The following CRACDL variants were observed in gnomAD, a reference collection of about 807,000 sequenced individuals.
The protein encoded by CRACDL is CRACD like, also known as CRACD-like protein.
In CRACDL, 26 loss-of-function variants were observed where a neutral mutation model predicts 70.6. The ratio of observed to expected loss-of-function variants is 0.37; its 90% CI spans 0.27 to 0.51. CRACDL has a LOEUF of 0.51. CRACDL is among the 20% of genes least tolerant of loss of function. CRACDL has a pLI of 0.94. For missense variants in CRACDL, 1,283 were observed against 1,376.9 expected (o/e 0.93, Z 1.08); for synonymous variants, 618 against 615.2 (o/e 1.00, Z -0.07).
At chr2:98,841,805 T>C (rs1433935835) in intron 2 of CRACDL, among the ~76,000 whole-genome samples, 3 of 152,216 alleles carry the variant, frequency 2.0e-5, no homozygotes, top group Non-Finnish European at 4.4e-5. Flanking sequence ...TGACATTTAA[T>C]GGCAAAAACA....
At chr2:98,846,296 A>G (rs994042229) in intron 2 of CRACDL, among the ~76,000 whole-genome samples, 10 of 152,216 alleles carry the variant, frequency 6.6e-5, no homozygotes, top group African/African-American at 2.2e-4. Context: ...AACAAAAGTC[A>G]TGAAGGAGAG....
chr2:98,881,031 A>T (rs1390132982), intron 1 of CRACDL, among the ~76,000 whole-genome samples: 1 of 152,172 alleles, frequency 6.6e-6, no homozygotes, highest in Admixed American at 6.5e-5. Flanking sequence ...GCGCCACTGC[A>T]GGGCTCCTAG....
chr2:98,822,389 G>A lies in CRACDL; in HGVS notation c.1884C>T (p.Gly628=), dbSNP rs1184207475. The change falls in exon 7 of 10, where the codon GGC becomes GGT. Residue 628 remains glycine, a synonymous_variant. Coordinates refer to ENST00000397899, the MANE Select transcript of CRACDL (RefSeq NM_207362.3). This position sits in a 1 kb window ranked among gnomAD's most constrained non-coding sequence, Gnocchi z 4.9. ...GGCCGCGCTCCGCCAGCTTCCGAGGGCCAGGTTTCGCGTGCTGGGGCTCGG... is the reference window on the plus strand; with the variant it reads ...GGCCGCGCTCCGCCAGCTTCCGAGGACCAGGTTTCGCGTGCTGGGGCTCGG... The part of the protein sequence containing the change: ...GLPEPQHAKP[G]PRKLAERGPQ... 3 of 1,479,194 alleles carry A rather than the reference G, an allele frequency of 2.0e-6. No homozygotes were observed. Among genetic ancestry groups the A allele is most frequent in the Non-Finnish European group, 2.7e-6 (3 of 1,123,824 alleles). 91.6% of individuals were successfully genotyped at this position (1,479,194 alleles called of 1,614,324 possible).
At chr2:98,888,773 C>T (rs1707863566) in intron 1 of CRACDL, among the ~76,000 whole-genome samples, 1 of 152,104 alleles carries the variant, frequency 6.6e-6, no homozygotes, top group Non-Finnish European at 1.5e-5. Flanking sequence ...ACAACAGACA[C>T]ATTTAAATTC....
intron 5 of CRACDL, among the ~76,000 whole-genome samples, chr2:98,831,720 G>A (rs1476922263): frequency 1.3e-5 from 2 of 152,176 alleles, no homozygotes; most frequent in Non-Finnish European, 1.5e-5. Context: ...GTTTATGCAC[G>A]AGAAAGAGCT....
intron 1 of CRACDL, among the ~76,000 whole-genome samples, chr2:98,932,329 C>T (rs1709099038): frequency 6.6e-6 from 1 of 152,234 alleles, no homozygotes; most frequent in Admixed American, 6.5e-5. Flanking sequence ...TTAAGTTCCA[C>T]CTCCTCCAAG....
At chr2:98,870,946 G>C (rs1009832548) in intron 1 of CRACDL, among the ~76,000 whole-genome samples, 1 of 152,332 alleles carries the variant, frequency 6.6e-6, no homozygotes, top group Non-Finnish European at 1.5e-5. Flanking sequence ...GAAGGGAGGC[G>C]CTGTCACATC....
intron 5 of CRACDL, among the ~76,000 whole-genome samples, chr2:98,827,579 C>T (rs1021522360): frequency 1.3e-5 from 2 of 152,180 alleles, no homozygotes; most frequent in Admixed American, 6.5e-5. Context: ...TGTGAGCCAC[C>T]GCACCCGGCC....
At chr2:98,899,103 G>C (rs1708201272) in intron 1 of CRACDL, among the ~76,000 whole-genome samples, 1 of 152,098 alleles carries the variant, frequency 6.6e-6, no homozygotes, top group Non-Finnish European at 1.5e-5. Flanking sequence ...GACATGTCTG[G>C]GATGTGCCCC....
At chr2:98,929,764 A>G (rs2104706547) in intron 1 of CRACDL, among the ~76,000 whole-genome samples, 1 of 152,238 alleles carries the variant, frequency 6.6e-6, no homozygotes, top group South Asian at 2.1e-4. Flanking sequence ...AATTTTGAAG[A>G]AAAAAACAAC....
chr2:98,794,594 A>T lies in CRACDL; in HGVS notation c.2827T>A (p.Trp943Arg). 1 of 1,613,690 alleles carries T rather than the reference A, an allele frequency of 6.2e-7. No individual in the cohort carries two copies. Among genetic ancestry groups the T allele is most frequent in the East Asian group, 2.2e-5 (1 of 44,874 alleles). The change falls in exon 10 of 10, where the codon TGG becomes AGG. Residue 943 changes from tryptophan (W) to arginine (R), a missense_variant. Trp to Arg is a moderately radical substitution (Grantham distance 101, BLOSUM62 -3). Transcript: ENST00000397899. ...ASYASTDQPS[W>R]MELARKKSQA... is the part of the protein sequence containing the mutation. ...GATTTCTTTCTGGCAAGTTCCATCC[A>T]GGATGGCTGATCTGTACTGGCATAA... is the stretch of plus-strand genomic sequence containing the variant.
chr2:98,891,545 T>C (rs1707981655), intron 1 of CRACDL, among the ~76,000 whole-genome samples: 1 of 152,112 alleles, frequency 6.6e-6, no homozygotes, highest in South Asian at 2.1e-4. Flanking sequence ...TGTTTGGGGA[T>C]ATGCTAATTA....
intron 1 of CRACDL, among the ~76,000 whole-genome samples, chr2:98,856,692 A>G (rs1475686923): frequency 2.0e-5 from 3 of 152,232 alleles, no homozygotes; most frequent in Non-Finnish European, 4.4e-5. Context: ...AATAACAACA[A>G]AAAGGAGGAG....
intron 7 of CRACDL, among the ~76,000 whole-genome samples, chr2:98,800,383 C>A (rs1285593834): frequency 6.6e-6 from 1 of 151,978 alleles, no homozygotes; most frequent in East Asian, 1.9e-4. Context: ...AAGGAAGGGT[C>A]TTTTCTGTCT....
chr2:98,834,354 A>T (rs1037467968), intron 3 of CRACDL, among the ~76,000 whole-genome samples: 16 of 152,242 alleles, frequency 1.1e-4, no homozygotes, highest in African/African-American at 3.9e-4. Context: ...TGAATCAACC[A>T]TGAATGTCAT....
Position 98,802,869 on chromosome 2 carries a change from C to T in CRACDL, c.2417-5332G>A, listed in dbSNP as rs58122584. 3.3e-5 allele frequency among the ~76,000 whole-genome samples: 5 copies of T among 152,340 alleles called. No homozygotes were observed. In the East Asian group the frequency reaches 9.7e-4, roughly 29 times the overall value. ...TTTGGCTGAGGATATAAAGCACAGG[C>T]TCTGCCTTAAGGTAAGGCAACAAGA... is the stretch of plus-strand genomic sequence containing the variant. On this transcript the variant is annotated intron_variant, in intron 7 of 9. Coordinates refer to ENST00000397899, the MANE Select transcript of CRACDL (RefSeq NM_207362.3).
chr2:98,914,963 G>A (rs768748612), intron 1 of CRACDL, among the ~76,000 whole-genome samples: 5 of 152,232 alleles, frequency 3.3e-5, no homozygotes, highest in Non-Finnish European at 5.9e-5. Flanking sequence ...AGGGTGTCCA[G>A]TGGGCAAAGA....
chr2:98,827,291 G>T (rs1705346377), intron 5 of CRACDL, 122 bp from the exon 6 acceptor site: 4 of 669,470 alleles, frequency 6.0e-6, no homozygotes, highest in Non-Finnish European at 1.0e-5. Context: ...GGCTTTACGT[G>T]TGTGGAAATA....
At chr2:98,812,973 A>AT (rs1166332805) in intron 7 of CRACDL, among the ~76,000 whole-genome samples, 2 of 152,000 alleles carry the variant, frequency 1.3e-5, no homozygotes, top group Non-Finnish European at 2.9e-5. Context: ...TTTTTTTCTA[A>AT]AAGTTTTATA....
Sources: allele counts gnomAD v4.1 joint callset (sites outside exome capture counted in the v4.1 genomes callset), GRCh38; gene constraint gnomAD v4.1.1; non-coding constraint Gnocchi (gnomAD v3.1); transcripts MANE v1.5; gene names NCBI Gene and HGNC (gene_info 2026-07-23, HGNC 2026-07-21).